The following HIC2 variants were observed in gnomAD, a reference collection of about 807,000 sequenced individuals.
HIC2 encodes the protein HIC ZBTB transcriptional repressor 2.
In HIC2, 2 loss-of-function variants were observed where a neutral mutation model predicts 39.5. The ratio of observed to expected loss-of-function variants is 0.05; its 90% CI spans 0.02 to 0.16. The LOEUF (loss-of-function observed/expected upper bound fraction) is 0.16, where lower values mean the gene tolerates loss of function less well. Ranked by LOEUF, HIC2 falls within the 10% of genes least tolerant of loss-of-function variation. The probability of loss-of-function intolerance (pLI) is 1.00; values close to 1 mark genes in which losing one functional copy is unlikely to be tolerated. For synonymous variants in HIC2, 399 were observed against 368.8 expected, an observed-to-expected ratio of 1.08 and a Z score of -0.94; for missense variants, 713 against 863.5, an observed-to-expected ratio of 0.83 and a Z score of 2.18.
chr22:21,417,739 C>T (rs1472996726), intron 1 of HIC2, among the ~76,000 whole-genome samples, 179 bp downstream of exon 1: 4 of 144,776 alleles, frequency 2.8e-5, no homozygotes, highest in South Asian at 4.5e-4. Context: ...CGCGGGACCC[C>T]TGGCAGGCCC....
rs1203443742 is a variant in HIC2, at chr22:21,446,708, A to G, written c.1813A>G (p.Ile605Val). Residue 605 changes from isoleucine to valine, a missense_variant, in exon 3 of 3, where the codon ATC becomes GTC. Ile to Val is a conservative substitution (Grantham distance 29, BLOSUM62 3). Around this residue, in one of 5 missense-constraint regions of HIC2, gnomAD observed 40 missense variants for 124.4 expected, o/e 0.32. Coordinates refer to ENST00000407464, the MANE Select transcript of HIC2 (RefSeq NM_015094.3). ...CAAGTTCACCCAGCAGCGCAACCTCATCAGCCACCTGCGCATGCACACCTC... is the reference window on the plus strand; with the variant it reads ...CAAGTTCACCCAGCAGCGCAACCTCGTCAGCCACCTGCGCATGCACACCTC... ...GGKFTQQRNL[I>V]SHLRMHTSPS 1.2e-6 allele frequency: 2 copies of G among 1,610,294 alleles called. No homozygotes were observed.
chr22:21,450,830 G>GA lies in HIC2; in HGVS notation c.*4088dup, dbSNP rs1361381911. On this transcript the variant is annotated 3_prime_UTR_variant, in exon 3 of 3. Coordinates refer to ENST00000407464, the MANE Select transcript of HIC2 (RefSeq NM_015094.3). ...AGCGGTGGGAACTGAGGCTGCCCAG[G>GA]ACCCCCTTCCTAGGATGCCCCGGCT... 9 of 152,762 alleles carry GA rather than the reference G, an allele frequency of 5.9e-5. No homozygotes were observed. Among genetic ancestry groups the GA allele is most frequent in the African/African-American group, 1.9e-4 (8 of 41,512 alleles). 9.5% of individuals were successfully genotyped at this position (152,762 alleles called of 1,614,324 possible).
At chr22:21,420,325 G>C (rs1260475842) in intron 1 of HIC2, among the ~76,000 whole-genome samples, 1 of 147,638 alleles carries the variant, frequency 6.8e-6, no homozygotes, top group Non-Finnish European at 1.5e-5. Context: ...GTAGTGCATT[G>C]CTGGCTCTGC....
rs752290049 is a variant in HIC2 at position 21,445,940 on chromosome 22, C to G, written c.1045C>G (p.Pro349Ala). The change falls in exon 3 of 3, where the codon CCC becomes GCC. Residue 349 changes from proline to alanine, a missense_variant. Physicochemically the swap from Pro to Ala is conservative, Grantham distance 27 (BLOSUM62 -1). This residue lies in a region of HIC2 where 457 missense variants were observed against 420.2 expected (regional missense o/e 1.09). Coordinates refer to ENST00000407464, the MANE Select transcript of HIC2 (RefSeq NM_015094.3). ...WGKKEPVAGSPFERREAGPKG... is the reference protein window; with the variant it reads ...WGKKEPVAGSAFERREAGPKG... ...CAAGAAGGAGCCTGTGGCTGGCTCC[C>G]CCTTTGAGCGGAGAGAAGCAGGGCC... 1.9e-6 allele frequency: 3 copies of G among 1,579,084 alleles called. No individual in the cohort carries two copies. The highest frequency in any genetic ancestry group is 2.6e-6 in the Non-Finnish European group (3 of 1,165,136).
rs1341462578 is a variant in HIC2 at position 21,450,666 on chromosome 22, C to T, written c.*3923C>T. 3.9e-5 allele frequency: 6 copies of T among 152,808 alleles called. No homozygotes were observed. The highest frequency in any genetic ancestry group is 1.3e-4 in the Admixed American group (2 of 15,290). The allele number at this position is 152,808 out of a possible 1,614,324, so 9.5% of individuals were successfully genotyped here. A position where few individuals can be genotyped will look rare whatever the true frequency, so the allele number is the denominator to read the frequency against. On this transcript the variant is annotated 3_prime_UTR_variant, in exon 3 of 3. Transcript: ENST00000407464. ...AGCCCTGGCATGCCCCCTAAAGGGA[C>T]CAAGGTCCTCCTATTTCCCAGAACC...
In HIC2 at chr22:21,445,959, C is replaced by T. The variant is rs749489886; in HGVS notation, c.1064C>T (p.Ala355Val). Residue 355 changes from alanine to valine, a missense_variant, in exon 3 of 3, where the codon GCA becomes GTA. This residue lies in a region of HIC2 where 457 missense variants were observed against 420.2 expected (regional missense o/e 1.09). Transcript: ENST00000407464. ...VAGSPFERRE[A>V]GPKGPCPGEE... ...GGCTCCCCCTTTGAGCGGAGAGAAG[C>T]AGGGCCCAAGGGTCCCTGCCCGGGA... 41 of 1,564,838 alleles carry T rather than the reference C, an allele frequency of 2.6e-5. No individual in the cohort carries two copies. Among genetic ancestry groups the T allele is most frequent in the Non-Finnish European group, 3.3e-5 (38 of 1,159,136 alleles).
intron 1 of HIC2, among the ~76,000 whole-genome samples, chr22:21,430,962 G>C: frequency 1.8e-5 from 1 of 54,438 alleles, no homozygotes; most frequent in Non-Finnish European, 3.1e-5. Flanking sequence ...ACCTACTATT[G>C]GTTGAATCGT....
At position 21,445,215 on chromosome 22, in the gene HIC2, C is replaced by T; in HGVS notation, c.320C>T (p.Pro107Leu). 2 of 1,613,850 alleles carry T rather than the reference C, an allele frequency of 1.2e-6. No individual in the cohort carries two copies. The highest frequency in any genetic ancestry group is 1.7e-6 in the Non-Finnish European group (2 of 1,180,036). The change falls in exon 3 of 3, where the codon CCC becomes CTC. Residue 107 changes from proline (P) to leucine (L), a missense_variant. By Grantham distance (98) the Pro-to-Leu change is moderately conservative. Around this residue, in one of 5 missense-constraint regions of HIC2, gnomAD observed 102 missense variants for 187.1 expected, o/e 0.55. Transcript: ENST00000407464. ...LDFIYTGKLL[P>L]SDQPAEPNFS... ...TTCATCTACACAGGCAAGCTGCTGC[C>T]CAGCGACCAGCCAGCCGAGCCCAAC...
chr22:21,444,988 G>T lies in HIC2; in HGVS notation c.93G>T (p.Gln31His). ...PDMELPSHSKQLLLQLNQQRT... is the reference protein window; with the variant it reads ...PDMELPSHSKHLLLQLNQQRT... ...TGGAGCTGCCCAGCCACTCGAAGCAGCTCCTGCTGCAGCTGAACCAGCAGA... is the reference window on the plus strand; with the variant it reads ...TGGAGCTGCCCAGCCACTCGAAGCATCTCCTGCTGCAGCTGAACCAGCAGA... The change falls in exon 3 of 3, where the codon CAG (glutamine) becomes CAT (histidine). Residue 31 changes from glutamine to histidine, a missense_variant. Coordinates refer to ENST00000407464, the MANE Select transcript of HIC2 (RefSeq NM_015094.3). The T allele has an allele frequency of 6.2e-7, 1 of 1,613,996 alleles. No homozygotes were observed. The highest frequency in any genetic ancestry group is 8.5e-7 in the Non-Finnish European group (1 of 1,180,028).
rs1555878214 is a variant in HIC2 at position 21,451,082 on chromosome 22, C to CA, written c.*4339_*4340insA. ...AGCTTCCCTCTGCCCTCTCCCACCC[C>CA]GGGGGGGACCCAGGTTGGGCACTGG... On this transcript the variant is annotated 3_prime_UTR_variant, in exon 3 of 3. Transcript: ENST00000407464. The CA allele has an allele frequency of 1.3e-5, 2 of 152,380 alleles. No homozygotes were observed. Among genetic ancestry groups the CA allele is most frequent in the Non-Finnish European group, 2.9e-5 (2 of 67,944 alleles). 9.4% of individuals were successfully genotyped at this position (152,380 alleles called of 1,614,324 possible).
In HIC2 at chr22:21,446,345, G is replaced by C; in HGVS notation, c.1450G>C (p.Ala484Pro). 6.2e-7 allele frequency: 1 copy of C among 1,613,060 alleles called. No individual in the cohort carries two copies. Among genetic ancestry groups the C allele is most frequent in the Non-Finnish European group, 8.5e-7 (1 of 1,180,000 alleles). Reference protein sequence around the residue: ...EGAYETGSGGAEEEAEDLSAP... With the variant: ...EGAYETGSGGPEEEAEDLSAP... ...GGCCTACGAGACAGGCAGTGGGGGT[G>C]CCGAGGAGGAGGCCGAGGACCTGTC... The change falls in exon 3 of 3, where the codon GCC (alanine) becomes CCC (proline). Residue 484 changes from alanine (A) to proline (P), a missense_variant. Coordinates refer to ENST00000407464, the MANE Select transcript of HIC2 (RefSeq NM_015094.3).
rs1923915144 is a variant in HIC2 at position 21,447,398 on chromosome 22, C to T, written c.*655C>T. 6.5e-6 allele frequency: 1 copy of T among 152,806 alleles called. No individual in the cohort carries two copies. The highest frequency in any genetic ancestry group is 6.5e-5 in the Admixed American group (1 of 15,286). 9.5% of individuals were successfully genotyped at this position (152,806 alleles called of 1,614,324 possible). On this transcript the variant is annotated 3_prime_UTR_variant, in exon 3 of 3. Coordinates refer to ENST00000407464, the MANE Select transcript of HIC2 (RefSeq NM_015094.3). ...TTTTTTAAACCAAAACAGACAATAG[C>T]TTATTTTCTTTCCGCCCCCTCCGGG...
At position 21,445,977 on chromosome 22, in the gene HIC2, G is replaced by T. The variant is rs774541576; in HGVS notation, c.1082G>T (p.Cys361Phe). Residue 361 changes from cysteine to phenylalanine, a missense_variant, in exon 3 of 3, where the codon TGC becomes TTC. Cys to Phe is a radical substitution (Grantham distance 205). Coordinates refer to ENST00000407464, the MANE Select transcript of HIC2 (RefSeq NM_015094.3). Reference sequence around the variant, plus strand: ...AGAGAAGCAGGGCCCAAGGGTCCCTGCCCGGGAGAGGAGGGTGAGGGGGTC... The same window carrying T: ...AGAGAAGCAGGGCCCAAGGGTCCCTTCCCGGGAGAGGAGGGTGAGGGGGTC... ...ERREAGPKGP[C>F]PGEEGEGVGD... 1.9e-6 allele frequency: 3 copies of T among 1,562,778 alleles called. No homozygotes were observed. The highest frequency in any genetic ancestry group is 2.6e-6 in the Non-Finnish European group (3 of 1,156,986).
intron 2 of HIC2, 22 bp from the exon 3 acceptor site, chr22:21,444,900 G>T: frequency 6.3e-7 from 1 of 1,597,452 alleles, no homozygotes; most frequent in African/African-American, 1.3e-5. Context: ...TCTGACGCAT[G>T]CGTGCCTGTT....
rs771382310 is a variant in HIC2 at position 21,444,981 on chromosome 22, C to G, written c.86C>G (p.Ser29Trp). Residue 29 changes from serine (S) to tryptophan (W), a missense_variant, in exon 3 of 3, where the codon TCG becomes TGG. Transcript: ENST00000407464. ...MGPDMELPSH[S>W]KQLLLQLNQQ... ...CCCGACATGGAGCTGCCCAGCCACT[C>G]GAAGCAGCTCCTGCTGCAGCTGAAC... The G allele has an allele frequency of 6.2e-7, 1 of 1,613,828 alleles. No homozygotes were observed. The highest frequency in any genetic ancestry group is 1.1e-5 in the South Asian group (1 of 91,078).
chr22:21,445,700 G>A lies in HIC2; in HGVS notation c.805G>A (p.Asp269Asn). 6.2e-7 allele frequency: 1 copy of A among 1,612,118 alleles called. No homozygotes were observed. The highest frequency in any genetic ancestry group is 8.5e-7 in the Non-Finnish European group (1 of 1,179,686). The change falls in exon 3 of 3, where the codon GAC becomes AAC. Residue 269 changes from aspartate (D) to asparagine (N), a missense_variant. Around this residue, in one of 5 missense-constraint regions of HIC2, gnomAD observed 457 missense variants for 420.2 expected, o/e 1.09. Transcript: ENST00000407464. The part of the protein sequence containing the change: ...ATPGPHLTPD[D>N]AAQLSDSQHG... ...CCCAGGTCCCCACCTCACTCCCGAT[G>A]ACGCAGCCCAGCTGAGCGACAGCCA... is the stretch of plus-strand genomic sequence containing the variant.
rs374531371 is a variant in HIC2, at chr22:21,445,509, G to T, written c.614G>T (p.Gly205Val). The change falls in exon 3 of 3, where the codon GGC becomes GTC. Residue 205 changes from glycine to valine, a missense_variant. Around this residue, in one of 5 missense-constraint regions of HIC2, gnomAD observed 457 missense variants for 420.2 expected, o/e 1.09. Transcript: ENST00000407464. ...KGSDDELFLG[G>V]SNQDSVQGLG... Reference sequence around the variant, plus strand: ...TCAGACGATGAACTCTTTCTTGGTGGCTCTAACCAGGATAGCGTGCAAGGT... The same window carrying T: ...TCAGACGATGAACTCTTTCTTGGTGTCTCTAACCAGGATAGCGTGCAAGGT... 6.0e-5 allele frequency: 95 copies of T among 1,596,002 alleles called. No homozygotes were observed. Among genetic ancestry groups the T allele is most frequent in the Non-Finnish European group, 8.0e-5 (94 of 1,173,378 alleles).
rs1008186532 is a variant in HIC2 at position 21,447,773 on chromosome 22, T to C, written c.*1030T>C. 4.1e-5 allele frequency: 6 copies of C among 145,042 alleles called. No individual in the cohort carries two copies. The highest frequency in any genetic ancestry group is 2.2e-4 in the Admixed American group (3 of 13,444). 9.0% of individuals were successfully genotyped at this position (145,042 alleles called of 1,614,324 possible). On this transcript the variant is annotated 3_prime_UTR_variant, in exon 3 of 3. Transcript: ENST00000407464. ...GTCGGTACTCTTGTTTTCATTTGTG[T>C]GTGCGTGCGTGTGTGTGTGTGTATG... is the stretch of plus-strand genomic sequence containing the variant.
chr22:21,430,971 G>A (rs1446261057), intron 1 of HIC2, among the ~76,000 whole-genome samples: 26 of 47,484 alleles, frequency 5.5e-4, no homozygotes, highest in Non-Finnish European at 8.2e-4. Context: ...TGGTTGAATC[G>A]TGGGTGTCCC....
Sources: gnomAD v4.1 joint callset for allele counts (sites outside exome capture counted in the v4.1 genomes callset) on GRCh38, gnomAD v4.1.1 for gene constraint, gnomAD v4.1.1 regional missense constraint, MANE v1.5 for transcripts, NCBI Gene and HGNC (gene_info 2026-07-23, HGNC 2026-07-21) for gene names.